LTBP1: variants seen among roughly 807,000 people sequenced by gnomAD.
LTBP1 encodes latent-transforming growth factor beta-binding protein 1.
A neutral mutation model predicts 207.6 loss-of-function variants in LTBP1; 129 were observed. The observed-to-expected ratio is 0.62, with a 90% CI of 0.54 to 0.72. The LOEUF (loss-of-function observed/expected upper bound fraction) is 0.72, where lower values mean the gene tolerates loss of function less well. LTBP1 is among the 30% of genes least tolerant of loss of function. The pLI, the probability that LTBP1 is intolerant of heterozygous loss-of-function variation, is 0.00. For missense variants in LTBP1, 2,281 were observed against 2,217.2 expected (o/e 1.03, Z -0.58); for synonymous variants, 963 against 833.7 (o/e 1.16, Z -2.67).
At chr2:33,118,210 A>AC (rs1453532145) in intron 4 of LTBP1, among the ~76,000 whole-genome samples, 8 of 149,106 alleles carry the variant, frequency 5.4e-5, no homozygotes, top group Middle Eastern at 3.4e-3. Context: ...AAAACAAAAA[A>AC]AAAACAACAA....
chr2:32,963,053 G>T (rs1008394189), intron 2 of LTBP1, among the ~76,000 whole-genome samples: 1 of 152,194 alleles, frequency 6.6e-6, no homozygotes, highest in Non-Finnish European at 1.5e-5. Flanking sequence ...TCCAGGCCTT[G>T]AGAGTAGAGG....
intron 2 of LTBP1, among the ~76,000 whole-genome samples, chr2:32,976,906 G>T (rs932891568): frequency 6.6e-6 from 1 of 152,200 alleles, no homozygotes; most frequent in Non-Finnish European, 1.5e-5. Context: ...GTCACCTAAT[G>T]TTCTGTCTGG....
chr2:33,183,925 C>T (rs192379171), intron 5 of LTBP1, among the ~76,000 whole-genome samples: 2 of 152,176 alleles, frequency 1.3e-5, no homozygotes, highest in Non-Finnish European at 2.9e-5. Context: ...AGCCTACGCC[C>T]TGAAGAAAGT....
intron 5 of LTBP1, among the ~76,000 whole-genome samples, chr2:33,184,642 T>A (rs929919837): frequency 9.2e-5 from 14 of 152,224 alleles, no homozygotes; most frequent in African/African-American, 3.1e-4. Flanking sequence ...GATCTGTGTT[T>A]TTAGTTATGT....
At chr2:33,334,314 A>G (rs962951775) in intron 24 of LTBP1, among the ~76,000 whole-genome samples, 4 of 152,274 alleles carry the variant, frequency 2.6e-5, no homozygotes, top group African/African-American at 7.2e-5. Flanking sequence ...AAAGGCCTCT[A>G]TGCCATTACC....
intron 24 of LTBP1, among the ~76,000 whole-genome samples, chr2:33,320,194 C>G (rs1299852571): frequency 1.3e-5 from 2 of 151,960 alleles, no homozygotes; most frequent in African/African-American, 4.8e-5. Flanking sequence ...CATGGTGAAA[C>G]CCTGTCTCTA....
rs1415634026 is a variant in LTBP1 at position 33,186,930 on chromosome 2, A to G, written c.1276A>G (p.Thr426Ala). 1.2e-6 allele frequency: 2 copies of G among 1,614,176 alleles called. No individual in the cohort carries two copies. The highest frequency in any genetic ancestry group is 2.2e-5 in the South Asian group (2 of 91,084). ...CAAATGTCAGTGCCCTCCAAATTTCACAGGAAAACTTTGTCAGATCCCAGT... is the reference window on the plus strand; with the variant it reads ...CAAATGTCAGTGCCCTCCAAATTTCGCAGGAAAACTTTGTCAGATCCCAGT... Reference protein sequence around the residue: ...RDKCQCPPNFTGKLCQIPVHG... With the variant: ...RDKCQCPPNFAGKLCQIPVHG... The change falls in exon 6 of 34, where the codon ACA (threonine) becomes GCA (alanine). Residue 426 changes from threonine to alanine, a missense_variant. Transcript: ENST00000404816.
At chr2:33,078,841 T>C (rs36133417) in intron 3 of LTBP1, among the ~76,000 whole-genome samples, 9,229 of 111,492 alleles carry the variant, frequency 0.083, 397 homozygotes, top group South Asian at 0.29. Flanking sequence ...TCTTCTCTTC[T>C]GTTTTCTTTT....
chr2:33,012,129 A>G (rs1407550969), intron 2 of LTBP1, among the ~76,000 whole-genome samples: 1 of 152,212 alleles, frequency 6.6e-6, no homozygotes, highest in Non-Finnish European at 1.5e-5. Flanking sequence ...ATGTAAAAAC[A>G]TCATCTCTGT....
Position 33,364,335 on chromosome 2 carries a change from A to G in LTBP1, c.4519A>G (p.Ile1507Val), listed in dbSNP as rs768432344. ...MVLDASEKRC[I>V]RPAESNEQIE... ...CCTGGATGCGTCAGAAAAAAGATGT[A>G]TACGACCGGCTGAGTCAAACGGTAT... Residue 1507 changes from isoleucine (I) to valine (V), a missense_variant, in exon 30 of 34, where the codon ATA becomes GTA. By Grantham distance (29) the Ile-to-Val change is conservative. This residue lies in a region of LTBP1 where 1,671 missense variants were observed against 1,634.8 expected (regional missense o/e 1.02). Transcript: ENST00000404816. The G allele has an allele frequency of 2.5e-6, 4 of 1,613,878 alleles. No individual in the cohort carries two copies. The highest frequency in any genetic ancestry group is 1.1e-5 in the South Asian group (1 of 90,942).
chr2:33,373,723 T>C (rs553781662), intron 31 of LTBP1, among the ~76,000 whole-genome samples: 48 of 152,310 alleles, frequency 3.2e-4, no homozygotes, highest in African/African-American at 1.1e-3. Context: ...TTTAGTTAAA[T>C]TACTTACATG....
At chr2:33,029,366 ACTC>A (rs1350664507) in intron 3 of LTBP1, among the ~76,000 whole-genome samples, 1 of 152,114 alleles carries the variant, frequency 6.6e-6, no homozygotes, top group Non-Finnish European at 1.5e-5. Flanking sequence ...AATCCCAGCT[ACTC>A]AGGAGGCAGA....
intron 2 of LTBP1, among the ~76,000 whole-genome samples, chr2:32,959,615 A>ATTTTTTTT (rs1232142524): frequency 5.0e-4 from 19 of 37,700 alleles, no homozygotes; most frequent in African/African-American, 6.7e-4. Context: ...ATATATATAT[A>ATTTTTTTT]TATATATTTT....
chr2:33,032,602 G>A (rs948942375), intron 3 of LTBP1, among the ~76,000 whole-genome samples: 1 of 152,106 alleles, frequency 6.6e-6, no homozygotes, highest in African/African-American at 2.4e-5. Context: ...CAGGTTGTTA[G>A]GCTCTAAATG....
intron 15 of LTBP1, among the ~76,000 whole-genome samples, chr2:33,270,213 C>T (rs991817168): frequency 6.6e-6 from 1 of 151,936 alleles, no homozygotes; most frequent in Non-Finnish European, 1.5e-5. Flanking sequence ...AGCCACTGCA[C>T]ACAGCCTCTG....
chr2:33,153,043 CAT>C (rs2083665965), intron 5 of LTBP1, among the ~76,000 whole-genome samples: 1 of 152,174 alleles, frequency 6.6e-6, no homozygotes, highest in Non-Finnish European at 1.5e-5. Flanking sequence ...GAATATGAAA[CAT>C]ATCTACGCAG....
intron 5 of LTBP1, among the ~76,000 whole-genome samples, chr2:33,144,406 G>A (rs970746442): frequency 1.3e-5 from 2 of 152,062 alleles, no homozygotes; most frequent in Non-Finnish European, 2.9e-5. Context: ...GCCTTGGATC[G>A]TGCTTCTTCT....
chr2:33,389,581 AAAC>A (rs2095297845), intron 32 of LTBP1, among the ~76,000 whole-genome samples: 1 of 152,128 alleles, frequency 6.6e-6, no homozygotes, highest in Admixed American at 6.5e-5. Context: ...ATCTCAAAAC[AAAC>A]AAAAAGAACC....
At chr2:33,015,977 C>T (rs1302207647) in intron 2 of LTBP1, among the ~76,000 whole-genome samples, 4 of 152,134 alleles carry the variant, frequency 2.6e-5, no homozygotes, top group Admixed American at 2.6e-4. Flanking sequence ...CCCCATAGTC[C>T]AGTCACCTCC....
Sources: allele counts gnomAD v4.1 joint callset (sites outside exome capture counted in the v4.1 genomes callset), GRCh38; gene constraint gnomAD v4.1.1; regional missense constraint gnomAD v4.1.1; transcripts MANE v1.5; gene names NCBI Gene and HGNC (gene_info 2026-07-23, HGNC 2026-07-21).